The following GPR84 variants were observed in gnomAD, a reference collection of about 807,000 sequenced individuals.
GPR84 encodes the protein G-protein coupled receptor 84.
Under a neutral mutation model 14.9 loss-of-function variants are expected in GPR84, and 8 were observed. The ratio of observed to expected loss-of-function variants is 0.54; its 90% CI spans 0.31 to 0.97. GPR84 has a LOEUF of 0.97. Ranked by LOEUF, GPR84 falls within the 50% of genes least tolerant of loss-of-function variation. The pLI is 0.04. For missense variants in GPR84, 424 were observed against 498.7 expected, an observed-to-expected ratio of 0.85 and a Z score of 1.43; for synonymous variants, 164 against 198.1, an observed-to-expected ratio of 0.83 and a Z score of 1.45.
chr12:54,355,055 T>C, the GPR84 span, among the ~76,000 whole-genome samples: 27 of 151,570 alleles, frequency 1.8e-4, no homozygotes, highest in Non-Finnish European at 3.1e-4. Context: ...TCCAAAGAAT[T>C]TGGGGAGGGG....
chr12:54,356,652 G>A, the GPR84 span, among the ~76,000 whole-genome samples: 6 of 152,146 alleles, frequency 3.9e-5, no homozygotes, highest in African/African-American at 1.2e-4. Context: ...CCTGGAAGAC[G>A]GCTGCTAGAG....
the GPR84 span, chr12:54,351,886 T>G: frequency 2.6e-5 from 4 of 152,314 alleles, no homozygotes; most frequent in African/African-American, 9.7e-5. Flanking sequence ...TCCTCTCTTT[T>G]TGGCAGCTAC....
chr12:54,351,714 C>T, the GPR84 span: 1 of 152,258 alleles, frequency 6.6e-6, no homozygotes, highest in African/African-American at 2.4e-5. Flanking sequence ...ACTGCCAGTT[C>T]TCCAGCACTG....
the GPR84 span, among the ~76,000 whole-genome samples, chr12:54,355,936 C>T: frequency 3.9e-5 from 6 of 152,170 alleles, no homozygotes; most frequent in African/African-American, 1.4e-4. Context: ...ACTTGGAAAA[C>T]AGAGAAGAGT....
chr12:54,363,987 C>T, intron 1 of GPR84, 128 bp from the exon 2 acceptor site: 1 of 587,640 alleles, frequency 1.7e-6, no homozygotes, highest in Non-Finnish European at 3.0e-6. Flanking sequence ...CAGTATCCTC[C>T]TGAACCATTC....
downstream of GPR84, among the ~76,000 whole-genome samples, chr12:54,359,853 G>C (rs1421576659): frequency 2.6e-5 from 4 of 151,998 alleles, no homozygotes; most frequent in South Asian, 2.1e-4. Context: ...TGTGTGGGCC[G>C]TGGCGGGTGG....
rs781497746 is a variant in GPR84, at chr12:54,363,233, G to T, written c.619C>A (p.Arg207=). 47 of 1,614,086 alleles carry T rather than the reference G, an allele frequency of 2.9e-5. No individual in the cohort carries two copies. The East Asian group carries it at 1.0e-3, about 36-fold the overall frequency. The change falls in exon 2 of 2, where the codon CGA becomes AGA. Residue 207 remains arginine (R), a synonymous_variant. Transcript: ENST00000267015. ...FYCLIHRQVK[R]AAQALDQYKL... is the part of the protein sequence containing the mutation. Reference sequence around the variant, plus strand: ...TATTGGTCCAGTGCCTGTGCTGCTCGTTTGACCTGGCGGTGGATGAGGCAA... The same window carrying T: ...TATTGGTCCAGTGCCTGTGCTGCTCTTTTGACCTGGCGGTGGATGAGGCAA...
chr12:54,355,759 G>A, the GPR84 span, among the ~76,000 whole-genome samples: 1 of 152,202 alleles, frequency 6.6e-6, no homozygotes, highest in Admixed American at 6.5e-5. Flanking sequence ...TTTATCACCA[G>A]TATTGAGAAG....
rs1250829571 is a variant in GPR84, at chr12:54,363,612, G to A, written c.240C>T (p.Thr80=). 2 of 1,613,938 alleles carry A rather than the reference G, an allele frequency of 1.2e-6. No individual in the cohort carries two copies. The highest frequency in any genetic ancestry group is 1.7e-6 in the Non-Finnish European group (2 of 1,179,930). The change falls in exon 2 of 2, where the codon ACC becomes ACT. Residue 80 remains threonine (T), a synonymous_variant. Coordinates refer to ENST00000267015, the MANE Select transcript of GPR84 (RefSeq NM_020370.3). ...CGGTGCGCCAGTGCAGGTGGAGGTA[G>A]GTGTCCACAGAGAAGGGCTGAAGGA... ...CTLLQPFSVD[T]YLHLHWRTGA... is the part of the protein sequence containing the mutation.
Position 54,362,555 on chromosome 12 carries a change from T to G in GPR84, c.*106A>C. On this transcript the variant is annotated 3_prime_UTR_variant, in exon 2 of 2. Transcript: ENST00000267015. This position sits in a 1 kb window ranked among gnomAD's most constrained non-coding sequence, Gnocchi z 4.0. Reference sequence around the variant, plus strand: ...CTTGATTTGGGAGGCTGGGGAGAGATTGTTGTGAAAATGCCCACATGTGTT... The same window carrying G: ...CTTGATTTGGGAGGCTGGGGAGAGAGTGTTGTGAAAATGCCCACATGTGTT... The G allele has an allele frequency of 1.4e-6, 1 of 720,368 alleles. No homozygotes were observed. 44.6% of individuals were successfully genotyped at this position (720,368 alleles called of 1,614,324 possible).
rs1954294542 is a variant in GPR84 at position 54,363,495 on chromosome 12, G to A, written c.357C>T (p.Tyr119=). ...LTLCLIALGR[Y]LLIAHPKLFP... is the part of the protein sequence containing the mutation. Reference sequence around the variant, plus strand: ...AAAGCTTAGGGTGGGCAATGAGGAGGTAGCGTCCCAGTGCGATGAGGCAGA... The same window carrying A: ...AAAGCTTAGGGTGGGCAATGAGGAGATAGCGTCCCAGTGCGATGAGGCAGA... Residue 119 remains tyrosine (Y), a synonymous_variant, in exon 2 of 2, where the codon TAC becomes TAT. Transcript: ENST00000267015. 9.3e-6 allele frequency: 15 copies of A among 1,614,046 alleles called. No individual in the cohort carries two copies. Among genetic ancestry groups the A allele is most frequent in the Non-Finnish European group, 1.2e-5 (14 of 1,179,922 alleles).
chr12:54,357,801 G>A (rs1954224793), downstream of GPR84, among the ~76,000 whole-genome samples: 1 of 152,186 alleles, frequency 6.6e-6, no homozygotes, highest in African/African-American at 2.4e-5. Flanking sequence ...AGCTTAAGGG[G>A]ACAGGGGGGA....
chr12:54,354,817 C>T, the GPR84 span, among the ~76,000 whole-genome samples: 1 of 152,100 alleles, frequency 6.6e-6, no homozygotes, highest in African/African-American at 2.4e-5. Context: ...TCTTTCTGGT[C>T]ACCTTCTGCC....
rs777545330 is a variant in GPR84 at position 54,362,906 on chromosome 12, T to C, written c.946A>G (p.Lys316Glu). The C allele has an allele frequency of 8.1e-6, 13 of 1,614,070 alleles. No homozygotes were observed. The highest frequency in any genetic ancestry group is 1.3e-5 in the African/African-American group (1 of 74,916). ...RAPDSSSEFG[K>E]VTRMCFAVFL... ...ACAGCAAAACACATTCGAGTCACCT[T>C]CCCAAATTCCGATGAAGAATCCGGA... is the stretch of plus-strand genomic sequence containing the variant. The change falls in exon 2 of 2, where the codon AAG becomes GAG. Residue 316 changes from lysine (K) to glutamate (E), a missense_variant. Coordinates refer to ENST00000267015, the MANE Select transcript of GPR84 (RefSeq NM_020370.3). The surrounding 1 kb of genome is among the most constrained non-coding windows in gnomAD (Gnocchi z 4.0).
the GPR84 span, among the ~76,000 whole-genome samples, chr12:54,356,795 C>G: frequency 1.3e-5 from 2 of 152,210 alleles, no homozygotes; most frequent in African/African-American, 4.8e-5. Context: ...TGTGGTCTCT[C>G]TTAAACTCCT....
At chr12:54,355,428 C>T in the GPR84 span, among the ~76,000 whole-genome samples, 1 of 151,994 alleles carries the variant, frequency 6.6e-6, no homozygotes, top group African/African-American at 2.4e-5. Flanking sequence ...CTTCTTTCAG[C>T]AGTCTCTTTC....
chr12:54,359,576 CAGG>C (rs1954248465), downstream of GPR84, among the ~76,000 whole-genome samples: 1 of 152,130 alleles, frequency 6.6e-6, no homozygotes, highest in African/African-American at 2.4e-5. Context: ...GTCAGAAAGT[CAGG>C]GATAGAGCTC....
chr12:54,363,740 T>C lies in GPR84; in HGVS notation c.112A>G (p.Asn38Asp). ...GCCAAGGCCAGTAGGGTGAGCACAT[T>C]GCCCACGGTGCCTGTCACAGCCACC... The part of the protein sequence containing the change: ...VVVAVTGTVG[N>D]VLTLLALAIQ... The change falls in exon 2 of 2, where the codon AAT becomes GAT. Residue 38 changes from asparagine (N) to aspartate (D), a missense_variant. Asn to Asp is a conservative substitution (Grantham distance 23, BLOSUM62 1). Transcript: ENST00000267015. The C allele has an allele frequency of 6.2e-7, 1 of 1,613,962 alleles. No homozygotes were observed. Among genetic ancestry groups the C allele is most frequent in the African/African-American group, 1.3e-5 (1 of 74,992 alleles).
At chr12:54,362,238 C>T (rs1954276656), downstream of GPR84, among the ~76,000 whole-genome samples, 1 of 152,158 alleles carries the variant, frequency 6.6e-6, no homozygotes, top group Admixed American at 6.5e-5. This position sits in a 1 kb window ranked among gnomAD's most constrained non-coding sequence, Gnocchi z 4.0. Context: ...GCTTCCTGCT[C>T]CTGCTTTGAC....
Sources: gnomAD v4.1 joint callset for allele counts (sites outside exome capture counted in the v4.1 genomes callset) on GRCh38, gnomAD v4.1.1 for gene constraint, Gnocchi (gnomAD v3.1) non-coding constraint, MANE v1.5 for transcripts, NCBI Gene and HGNC (gene_info 2026-07-23, HGNC 2026-07-21) for gene names.